KIF26B: variants seen among roughly 807,000 people sequenced by gnomAD.
KIF26B encodes the protein kinesin family member 26B, also known as kinesin-like protein KIF26B.
Under a neutral mutation model 151.2 loss-of-function variants are expected in KIF26B, and 63 were observed. The observed-to-expected ratio is 0.42, with a 90% CI of 0.34 to 0.51. KIF26B has a LOEUF of 0.51. Among genes scored for constraint, KIF26B ranks in the 20% least tolerant of loss-of-function variants. KIF26B has a pLI of 0.07. For missense variants in KIF26B, 2,813 were observed against 2,913.6 expected (o/e 0.97, Z 0.79); for synonymous variants, 1,357 against 1,262.1 (o/e 1.08, Z -1.59).
Position 245,194,496 on chromosome 1 carries a change from G to GC in KIF26B, c.465+37818dup, listed in dbSNP as rs570463975. ...GGTTCAAGCGATTGTCCTGCCTCAG[G>GC]CCCCCAAGTAGCTGGGACTACAGGC... On this transcript the variant is annotated intron_variant, in intron 2 of 14. Coordinates refer to ENST00000407071, the MANE Select transcript of KIF26B (RefSeq NM_018012.4). Among the ~76,000 whole-genome samples, 573 of 152,152 alleles carry GC rather than the reference G, an allele frequency of 3.8e-3. 2 individuals are homozygous for GC. Among genetic ancestry groups the GC allele is most frequent in the African/African-American group, 0.013 (534 of 41,524 alleles).
In KIF26B at chr1:245,385,478, C is replaced by T. The variant is rs144905583; in HGVS notation, c.999+18111C>T. On this transcript the variant is annotated intron_variant, in intron 3 of 14. Transcript: ENST00000407071. ...TCATGCTTAGAACCAGGCGTTTGAACGCTGTCTGGAGTACTTTTACATTGT... is the reference window on the plus strand; with the variant it reads ...TCATGCTTAGAACCAGGCGTTTGAATGCTGTCTGGAGTACTTTTACATTGT... Among the ~76,000 whole-genome samples, 691 of 152,290 alleles carry T rather than the reference C, an allele frequency of 4.5e-3. 6 individuals are homozygous for T. Among genetic ancestry groups the T allele is most frequent in the Non-Finnish European group, 6.9e-3 (467 of 68,020 alleles).
intron 3 of KIF26B, among the ~76,000 whole-genome samples, chr1:245,368,677 T>G (rs761299982): frequency 1.2e-4 from 19 of 152,124 alleles, no homozygotes; most frequent in Non-Finnish European, 2.5e-4. Flanking sequence ...TTCCACCAAA[T>G]GCGTCACCAT....
At chr1:245,412,761 C>T (rs1218011727) in intron 3 of KIF26B, among the ~76,000 whole-genome samples, 2 of 152,106 alleles carry the variant, frequency 1.3e-5, no homozygotes, top group Non-Finnish European at 2.9e-5. Context: ...GGTTGAAAGA[C>T]GTGAATTAAA....
chr1:245,441,464 T>C (rs1462261855), intron 4 of KIF26B, among the ~76,000 whole-genome samples: 3 of 152,256 alleles, frequency 2.0e-5, no homozygotes, highest in East Asian at 3.9e-4. Flanking sequence ...GCATCTAGTC[T>C]GCTGTAATTG....
At chr1:245,192,501 A>G (rs886705240) in intron 2 of KIF26B, among the ~76,000 whole-genome samples, 2 of 152,250 alleles carry the variant, frequency 1.3e-5, no homozygotes, top group African/African-American at 2.4e-5. Flanking sequence ...ATTCTCATAT[A>G]TCTGTCTTAA....
At chr1:245,435,944 C>T (rs1658919616) in intron 4 of KIF26B, among the ~76,000 whole-genome samples, 1 of 152,110 alleles carries the variant, frequency 6.6e-6, no homozygotes, top group African/African-American at 2.4e-5. Context: ...TTTGGGAGGC[C>T]AAGGTGGGTG....
chr1:245,629,198 T>C (rs1267621385), intron 9 of KIF26B, among the ~76,000 whole-genome samples: 2 of 152,124 alleles, frequency 1.3e-5, no homozygotes, highest in African/African-American at 2.4e-5. Flanking sequence ...TCCAGTGCTA[T>C]TCCCATCAAA....
chr1:245,602,380 C>T lies in KIF26B; in HGVS notation c.1351-197C>T, dbSNP rs2043405620. Among the ~76,000 whole-genome samples the T allele has an allele frequency of 6.6e-6, 1 of 152,208 alleles. No individual in the cohort carries two copies. Among genetic ancestry groups the T allele is most frequent in the Non-Finnish European group, 1.5e-5 (1 of 68,032 alleles). ...TAATGGGCATATCAAAATATTCTAC[C>T]TGGTAATTATAAATAAATCAGTTTT... On this transcript the variant is annotated intron_variant, in intron 5 of 14. Coordinates refer to ENST00000407071, the MANE Select transcript of KIF26B (RefSeq NM_018012.4). This position sits in a 1 kb window ranked among gnomAD's most constrained non-coding sequence, Gnocchi z 4.5.
chr1:245,669,369 C>A (rs2044255867), intron 10 of KIF26B, among the ~76,000 whole-genome samples: 2 of 152,168 alleles, frequency 1.3e-5, no homozygotes, highest in South Asian at 2.1e-4. Flanking sequence ...TCTTATATGA[C>A]AAAGGACACT....
chr1:245,303,183 C>G (rs1050484556), intron 2 of KIF26B, among the ~76,000 whole-genome samples: 1 of 146,418 alleles, frequency 6.8e-6, no homozygotes, highest in Non-Finnish European at 1.5e-5. Flanking sequence ...ATTTGTTGAA[C>G]TAAACTAAAT....
rs1448322107 is a variant in KIF26B, at chr1:245,166,374, C to T, written c.465+9691C>T. Among the ~76,000 whole-genome samples the T allele has an allele frequency of 6.6e-6, 1 of 152,220 alleles. No individual in the cohort carries two copies. Among genetic ancestry groups the T allele is most frequent in the African/African-American group, 2.4e-5 (1 of 41,452 alleles). ...CATTCAGTGCGTCTTTGTTTCTTCA[C>T]CTCCAAGTGGATAAAGCATCTCATT... On this transcript the variant is annotated intron_variant, in intron 2 of 14. Transcript: ENST00000407071. The surrounding 1 kb of genome is among the most constrained non-coding windows in gnomAD (Gnocchi z 4.5).
At chr1:245,270,047 T>C (rs1164146204) in intron 2 of KIF26B, among the ~76,000 whole-genome samples, 3 of 152,250 alleles carry the variant, frequency 2.0e-5, no homozygotes, top group Non-Finnish European at 4.4e-5. Flanking sequence ...AGCAGCATTA[T>C]ATATTCTCAT....
At chr1:245,261,467 TTCTCTCTC>T (rs376897211) in intron 2 of KIF26B, among the ~76,000 whole-genome samples, 6,404 of 112,008 alleles carry the variant, frequency 0.057, 177 homozygotes, top group African/African-American at 0.068. Flanking sequence ...TTTTCTTTCT[TTCTCTCTC>T]TCTCTCTCTC....
At chr1:245,256,214 C>T (rs1447214369) in intron 2 of KIF26B, among the ~76,000 whole-genome samples, 3 of 152,136 alleles carry the variant, frequency 2.0e-5, no homozygotes, top group South Asian at 4.2e-4. Flanking sequence ...CAAATGGCTC[C>T]CAGGTCACCC....
intron 10 of KIF26B, among the ~76,000 whole-genome samples, chr1:245,663,730 C>A (rs2044182545): frequency 1.3e-5 from 2 of 152,122 alleles, no homozygotes; most frequent in Admixed American, 6.5e-5. Context: ...ACTAAGCGTG[C>A]AAACCTGCAT....
intron 3 of KIF26B, among the ~76,000 whole-genome samples, chr1:245,373,231 A>G (rs757744399): frequency 4.6e-5 from 7 of 152,218 alleles, no homozygotes; most frequent in Admixed American, 3.9e-4. Flanking sequence ...TCAGGGATGC[A>G]CTACAATTAC....
At chr1:245,184,046 T>G (rs935524514) in intron 2 of KIF26B, among the ~76,000 whole-genome samples, 1 of 117,112 alleles carries the variant, frequency 8.5e-6, no homozygotes, top group Non-Finnish European at 1.7e-5. Flanking sequence ...GGGTGGGAGT[T>G]GTTGTTTTTT....
At chr1:245,675,201 C>T (rs759988326) in intron 10 of KIF26B, among the ~76,000 whole-genome samples, 4 of 152,190 alleles carry the variant, frequency 2.6e-5, no homozygotes, top group South Asian at 4.1e-4. Context: ...TGATGGTACA[C>T]GTGGAGCACT....
intron 2 of KIF26B, among the ~76,000 whole-genome samples, chr1:245,342,008 C>T (rs1672343747): frequency 2.0e-5 from 3 of 152,182 alleles, no homozygotes; most frequent in Admixed American, 2.0e-4. Flanking sequence ...AGACCACATA[C>T]CAAGTTGAAA....
Sources: gnomAD v4.1 joint callset for allele counts (sites outside exome capture counted in the v4.1 genomes callset) on GRCh38, gnomAD v4.1.1 for gene constraint, Gnocchi (gnomAD v3.1) non-coding constraint, MANE v1.5 for transcripts, NCBI Gene and HGNC (gene_info 2026-07-23, HGNC 2026-07-21) for gene names.